ST6GALNAC5: variants seen among roughly 807,000 people sequenced by gnomAD.
ST6GALNAC5 encodes alpha-N-acetylgalactosaminide alpha-2,6-sialyltransferase 5.
Under a neutral mutation model 33.6 loss-of-function variants are expected in ST6GALNAC5, and 27 were observed. That is an observed-to-expected ratio of 0.80 (90% confidence interval 0.59 to 1.11). The LOEUF is 1.11. ST6GALNAC5 is among the 50% of genes least tolerant of loss of function. The pLI is 0.00. For missense variants in ST6GALNAC5, 428 were observed against 454.0 expected, an observed-to-expected ratio of 0.94 and a Z score of 0.52; for synonymous variants, 194 against 171.2, an observed-to-expected ratio of 1.13 and a Z score of -1.04.
rs185171576 is a variant in ST6GALNAC5, at chr1:77,005,803, G to A, written c.262-38401G>A. On this transcript the variant is annotated intron_variant, in intron 2 of 4. Transcript: ENST00000477717. The stretch of plus-strand genomic sequence containing the variant: ...CCTCATATACATGAAATCATACAGC[G>A]TTTGTCCTTTTCGATCTGGATTGTT... Among the ~76,000 whole-genome samples the A allele has an allele frequency of 4.2e-3, 636 of 152,192 alleles. 5 individuals are homozygous for A. The highest frequency in any genetic ancestry group is 0.014 in the African/African-American group (589 of 41,520).
intron 2 of ST6GALNAC5, among the ~76,000 whole-genome samples, chr1:76,940,767 A>G (rs1340825268): frequency 2.6e-5 from 4 of 152,090 alleles, no homozygotes; most frequent in Admixed American, 2.6e-4. Flanking sequence ...ACAGTCTGCA[A>G]ACGCCTTTCT....
rs182061536 is a variant in ST6GALNAC5, at chr1:77,054,196, C to T, written c.779+3831C>T. Among the ~76,000 whole-genome samples, 72 of 152,272 alleles carry T rather than the reference C, an allele frequency of 4.7e-4. 1 individual carries two copies. In the East Asian group the frequency reaches 0.011, roughly 24 times the overall value. Reference sequence around the variant, plus strand: ...AAATCATGAGGTACAGAAGGTTACTCGAGGTGCCTGTGGGAGAAGATGTTC... The same window carrying T: ...AAATCATGAGGTACAGAAGGTTACTTGAGGTGCCTGTGGGAGAAGATGTTC... On this transcript the variant is annotated intron_variant, in intron 4 of 4. Transcript: ENST00000477717.
chr1:76,938,844 T>A (rs891004649), intron 2 of ST6GALNAC5, among the ~76,000 whole-genome samples: 1 of 152,108 alleles, frequency 6.6e-6, no homozygotes, highest in African/African-American at 2.4e-5. Flanking sequence ...TTATTACTGA[T>A]CTATTGCCTG....
At position 76,867,541 on chromosome 1, in the gene ST6GALNAC5, G is replaced by C; in HGVS notation, c.-135G>C. 7.0e-7 allele frequency: 1 copy of C among 1,419,356 alleles called. No individual in the cohort carries two copies. The highest frequency in any genetic ancestry group is 9.9e-7 in the Non-Finnish European group (1 of 1,006,136). 87.9% of individuals were successfully genotyped at this position (1,419,356 alleles called of 1,614,324 possible). ...GCTTCCCGGGTCCCGCGGCTCCCGC[G>C]CGCGATCTGCCGCGGCCGGCTGCTG... On this transcript the variant is annotated 5_prime_UTR_variant, in exon 1 of 5. Transcript: ENST00000477717.
chr1:76,900,025 A>G (rs961001598), intron 2 of ST6GALNAC5, among the ~76,000 whole-genome samples: 2 of 152,320 alleles, frequency 1.3e-5, no homozygotes, highest in African/African-American at 4.8e-5. Flanking sequence ...TGTGTGAGCA[A>G]TACAGCTGTT....
At chr1:76,945,961 T>C (rs569321879) in intron 2 of ST6GALNAC5, among the ~76,000 whole-genome samples, 1 of 152,210 alleles carries the variant, frequency 6.6e-6, no homozygotes, top group African/African-American at 2.4e-5. Flanking sequence ...AGAGAAACCT[T>C]GTTCCATTTT....
chr1:77,025,728 G>C (rs1651205677), intron 2 of ST6GALNAC5, among the ~76,000 whole-genome samples: 1 of 152,074 alleles, frequency 6.6e-6, no homozygotes, highest in Non-Finnish European at 1.5e-5. Flanking sequence ...TAGGTCAGTG[G>C]GCTCACAGCC....
chr1:76,883,592 A>T (rs1222850092), intron 2 of ST6GALNAC5, among the ~76,000 whole-genome samples: 1 of 152,214 alleles, frequency 6.6e-6, no homozygotes, highest in Non-Finnish European at 1.5e-5. Flanking sequence ...TGACCTTTCC[A>T]GAACAGCTGA....
At chr1:76,873,742 T>G (rs1379495470) in intron 2 of ST6GALNAC5, among the ~76,000 whole-genome samples, 1 of 152,258 alleles carries the variant, frequency 6.6e-6, no homozygotes, top group Non-Finnish European at 1.5e-5. Context: ...ATAAGCTTCC[T>G]TTTTAAATAT....
intron 2 of ST6GALNAC5, among the ~76,000 whole-genome samples, chr1:77,025,638 TG>T (rs1451268445): frequency 6.6e-6 from 1 of 152,064 alleles, no homozygotes; most frequent in East Asian, 1.9e-4. Context: ...CCGGAGGCTG[TG>T]GTGGGGTGAC....
At chr1:76,914,046 A>G (rs1401359946) in intron 2 of ST6GALNAC5, among the ~76,000 whole-genome samples, 8 of 152,074 alleles carry the variant, frequency 5.3e-5, no homozygotes, top group African/African-American at 1.4e-4. Flanking sequence ...TTATACACCA[A>G]TAACAGACAG....
rs985709252 is a variant in ST6GALNAC5, at chr1:76,969,843, AGCAATATTTGCTGTTCT to A, written c.262-74340_262-74324del. On this transcript the variant is annotated intron_variant, in intron 2 of 4. Transcript: ENST00000477717. ...GAAGCTTCCAGAGGAAGGATTGGGC[AGCAATATTTGCTGTTCT>A]GCAATATTTGCTGTTCTGCAGCCTC... 1.6e-4 allele frequency among the ~76,000 whole-genome samples: 24 copies of A among 152,298 alleles called. 1 individual carries two copies. The highest frequency in any genetic ancestry group is 2.6e-4 in the Admixed American group (4 of 15,302).
At chr1:76,980,928 A>C (rs1345447377) in intron 2 of ST6GALNAC5, among the ~76,000 whole-genome samples, 1 of 152,256 alleles carries the variant, frequency 6.6e-6, no homozygotes, top group Non-Finnish European at 1.5e-5. Flanking sequence ...GAAAATAAAA[A>C]AATAACCCAA....
At chr1:76,910,723 T>A (rs1646903089) in intron 2 of ST6GALNAC5, among the ~76,000 whole-genome samples, 1 of 152,074 alleles carries the variant, frequency 6.6e-6, no homozygotes, top group East Asian at 1.9e-4. Flanking sequence ...TTATCAATAT[T>A]AACGTCTGCA....
Position 76,868,851 on chromosome 1 carries a change from A to G in ST6GALNAC5, c.261+109A>G, listed in dbSNP as rs1056652506. On this transcript the variant is annotated intron_variant, in intron 2 of 4. Coordinates refer to ENST00000477717, the MANE Select transcript of ST6GALNAC5 (RefSeq NM_030965.3). The surrounding 1 kb of genome is among the most constrained non-coding windows in gnomAD (Gnocchi z 4.3). The stretch of plus-strand genomic sequence containing the variant: ...GGCGCTGTGAGTAGGTGCCGTTCGA[A>G]GGCTGGAGGGGAGTGGACCCGCTGG... 1.4e-6 allele frequency: 2 copies of G among 1,415,934 alleles called. No homozygotes were observed. Among genetic ancestry groups the G allele is most frequent in the African/African-American group, 1.5e-5 (1 of 67,392 alleles). The allele number at this position is 1,415,934 out of a possible 1,614,324, so 87.7% of individuals were successfully genotyped here.
At chr1:76,894,971 T>G (rs566235324) in intron 2 of ST6GALNAC5, among the ~76,000 whole-genome samples, 1 of 151,842 alleles carries the variant, frequency 6.6e-6, no homozygotes, top group Non-Finnish European at 1.5e-5. Flanking sequence ...AGGAAAATTA[T>G]AGTCAAAGGG....
At chr1:77,028,753 A>C (rs1436298721) in intron 2 of ST6GALNAC5, among the ~76,000 whole-genome samples, 1 of 152,220 alleles carries the variant, frequency 6.6e-6, no homozygotes, top group Non-Finnish European at 1.5e-5. Context: ...CGGGTCTAGC[A>C]TTACCATTAT....
chr1:76,875,575 G>T (rs892128721), intron 2 of ST6GALNAC5, among the ~76,000 whole-genome samples: 1 of 152,120 alleles, frequency 6.6e-6, no homozygotes, highest in Non-Finnish European at 1.5e-5. Flanking sequence ...AATCATTGTT[G>T]TGTCTCCAGA....
intron 2 of ST6GALNAC5, among the ~76,000 whole-genome samples, chr1:76,973,792 G>T (rs1274362847): frequency 6.6e-6 from 1 of 152,060 alleles, no homozygotes; most frequent in African/African-American, 2.4e-5. Context: ...AGACTCAATT[G>T]TCCAAATATT....
Sources: allele counts gnomAD v4.1 joint callset (sites outside exome capture counted in the v4.1 genomes callset), GRCh38; gene constraint gnomAD v4.1.1; non-coding constraint Gnocchi (gnomAD v3.1); transcripts MANE v1.5; gene names NCBI Gene and HGNC (gene_info 2026-07-23, HGNC 2026-07-21).